The following COL28A1 variants were observed in gnomAD, a reference collection of about 807,000 sequenced individuals.
COL28A1 encodes the protein collagen type XXVIII alpha 1 chain.
COL28A1 carries 161 observed loss-of-function variants against 150.2 expected under a neutral mutation model. That is an observed-to-expected ratio of 1.07 (90% CI 0.94 to 1.22). The LOEUF (loss-of-function observed/expected upper bound fraction) is 1.22. Ranked by LOEUF, COL28A1 falls within the 50% of genes most tolerant of loss-of-function variation. The probability of loss-of-function intolerance (pLI) is 0.00; values close to 1 mark genes in which losing one functional copy is unlikely to be tolerated. For missense variants in COL28A1, 1,617 were observed against 1,388.3 expected (o/e 1.16, Z -2.62); for synonymous variants, 552 against 469.7 (o/e 1.18, Z -2.26).
At chr7:7,472,586 TG>T (rs1349493540) in intron 15 of COL28A1, among the ~76,000 whole-genome samples, 1 of 152,178 alleles carries the variant, frequency 6.6e-6, no homozygotes, top group Non-Finnish European at 1.5e-5. Context: ...ATTGTGACAA[TG>T]ACCATACTGC....
chr7:7,343,580 A>C, the COL28A1 span, among the ~76,000 whole-genome samples: 1 of 152,144 alleles, frequency 6.6e-6, no homozygotes, highest in Non-Finnish European at 1.5e-5. Context: ...AGTTTATATA[A>C]GTTTTGGCAA....
intron 21 of COL28A1, among the ~76,000 whole-genome samples, chr7:7,439,866 GATGGACACTGA>G (rs571757141): frequency 1.1e-4 from 17 of 152,276 alleles, no homozygotes; most frequent in South Asian, 2.1e-4. Flanking sequence ...AGGTGATACC[GATGGACACTGA>G]ATGGACACTG....
chr7:7,414,403 C>T (rs1783953293), intron 27 of COL28A1, among the ~76,000 whole-genome samples: 1 of 152,226 alleles, frequency 6.6e-6, no homozygotes. Flanking sequence ...AAACAACAGA[C>T]ATCTGTGGTT....
At chr7:7,488,928 T>C (rs1779768369) in intron 13 of COL28A1, among the ~76,000 whole-genome samples, 1 of 152,204 alleles carries the variant, frequency 6.6e-6, no homozygotes, top group Non-Finnish European at 1.5e-5. Context: ...CATATACATA[T>C]ATACATAGTT....
intron 19 of COL28A1, 27 bp from the exon 20 acceptor site, chr7:7,443,680 G>C (rs1308321931): frequency 6.2e-7 from 1 of 1,613,666 alleles, no homozygotes; most frequent in Non-Finnish European, 8.5e-7. Context: ...TGATGTGTTA[G>C]CTGACCCTCC....
At chr7:7,474,496 C>T in intron 15 of COL28A1, 105 bp downstream of exon 15, 3 of 550,484 alleles carry the variant, frequency 5.4e-6, no homozygotes, top group South Asian at 6.9e-5. Context: ...AACCAGATAC[C>T]TGTGTGGCAT....
At chr7:7,362,237 T>C (rs1226799175) in intron 33 of COL28A1, among the ~76,000 whole-genome samples, 1 of 118,476 alleles carries the variant, frequency 8.4e-6, no homozygotes, top group Admixed American at 9.5e-5. Context: ...AAATCTTTTA[T>C]GGGAATAATT....
chr7:7,497,911 C>G (rs1385301100), intron 11 of COL28A1, among the ~76,000 whole-genome samples: 1 of 152,118 alleles, frequency 6.6e-6, no homozygotes, highest in African/African-American at 2.4e-5. Context: ...ACTATTATGT[C>G]AAATCTCCAA....
downstream of COL28A1, chr7:7,356,087 G>A (rs1780346477): frequency 6.6e-6 from 1 of 152,066 alleles, no homozygotes; most frequent in Non-Finnish European, 1.5e-5. Flanking sequence ...GCTCAAAAAA[G>A]CTAAATAATA....
At chr7:7,532,710 T>TA in intron 2 of COL28A1, 42 bp downstream of exon 2, 1 of 1,578,716 alleles carries the variant, frequency 6.3e-7, no homozygotes, top group Non-Finnish European at 8.5e-7. Context: ...TAAGTATTTT[T>TA]AACAGGCTAA....
chr7:7,449,189 T>A (rs77665547), intron 18 of COL28A1, among the ~76,000 whole-genome samples: 1 of 152,024 alleles, frequency 6.6e-6, no homozygotes, highest in Non-Finnish European at 1.5e-5. Flanking sequence ...AGTTGAATGA[T>A]CATCATAAAA....
intron 27 of COL28A1, among the ~76,000 whole-genome samples, chr7:7,410,219 T>C (rs1476919368): frequency 6.6e-6 from 1 of 152,176 alleles, no homozygotes; most frequent in Non-Finnish European, 1.5e-5. Context: ...CTTTTGATTT[T>C]GGTTTATAAC....
At chr7:7,443,943 A>G (rs1430180890) in intron 19 of COL28A1, among the ~76,000 whole-genome samples, 1 of 140,004 alleles carries the variant, frequency 7.1e-6, no homozygotes, top group East Asian at 2.1e-4. Flanking sequence ...CATTTGGTAG[A>G]TTTTTTAAAA....
At chr7:7,414,345 C>CA (rs1385881259) in intron 27 of COL28A1, among the ~76,000 whole-genome samples, 1 of 152,166 alleles carries the variant, frequency 6.6e-6, no homozygotes, top group African/African-American at 2.4e-5. Flanking sequence ...CCTGAAAGTC[C>CA]AAGGCCATTT....
At chr7:7,501,564 C>G (rs1431025401) in intron 11 of COL28A1, among the ~76,000 whole-genome samples, 1 of 152,182 alleles carries the variant, frequency 6.6e-6, no homozygotes, top group Non-Finnish European at 1.5e-5. Context: ...GCAAAAATTA[C>G]CTAATATAGG....
At chr7:7,505,964 G>A (rs552021119) in intron 11 of COL28A1, 50 bp downstream of exon 11, 20 of 878,616 alleles carry the variant, frequency 2.3e-5, no homozygotes, top group African/African-American at 4.9e-5. Context: ...TTACTATAGC[G>A]CACTAGGGGA....
intron 15 of COL28A1, among the ~76,000 whole-genome samples, chr7:7,458,990 T>C (rs1308651500): frequency 1.3e-5 from 2 of 152,250 alleles, no homozygotes; most frequent in East Asian, 3.8e-4. Flanking sequence ...GGCGTGTTTA[T>C]ATTATCACTT....
chr7:7,483,610 G>A (rs1779467472), intron 13 of COL28A1, among the ~76,000 whole-genome samples: 1 of 152,100 alleles, frequency 6.6e-6, no homozygotes, highest in Admixed American at 6.6e-5. Context: ...TCCTAAGAAT[G>A]CTTAGGATTC....
At chr7:7,409,872 T>C (rs557636100) in intron 27 of COL28A1, among the ~76,000 whole-genome samples, 15 of 152,284 alleles carry the variant, frequency 9.9e-5, no homozygotes, top group Non-Finnish European at 2.1e-4. Context: ...GCAAGAAATA[T>C]AAGCCGGTAA....
Sources: allele counts gnomAD v4.1 joint callset (sites outside exome capture counted in the v4.1 genomes callset), GRCh38; gene constraint gnomAD v4.1.1; transcripts MANE v1.5; gene names NCBI Gene and HGNC (gene_info 2026-07-23, HGNC 2026-07-21).